The following SCML2 variants were observed in gnomAD, a reference collection of about 807,000 sequenced individuals.
SCML2 encodes Scm polycomb group protein like 2, also known as sex comb on midleg-like protein 2.
Under a neutral mutation model 48.4 loss-of-function variants are expected in SCML2, and 6 were observed. The ratio of observed to expected loss-of-function variants is 0.12; its 90% CI spans 0.07 to 0.24. The LOEUF (loss-of-function observed/expected upper bound fraction) is 0.24, where lower values mean the gene tolerates loss of function less well. SCML2 is among the 10% of genes least tolerant of loss of function. SCML2 has a pLI of 1.00. For missense variants in SCML2, 377 were observed against 528.2 expected (o/e 0.71, Z 2.81); for synonymous variants, 181 against 189.5 (o/e 0.95, Z 0.37).
At chrX:18,255,132 C>T (rs918065670) in intron 11 of SCML2, among the ~76,000 whole-genome samples, 2 of 111,650 alleles carry the variant, frequency 1.8e-5, no homozygotes, top group Non-Finnish European at 3.8e-5. Context: ...AGGATAATAT[C>T]ACATGAAAAC....
intron 7 of SCML2, among the ~76,000 whole-genome samples, chrX:18,271,704 A>T (rs747723768): frequency 2.5e-3 from 274 of 107,792 alleles, no homozygotes; most frequent in South Asian, 4.2e-3. Flanking sequence ...ATAGTATCAG[A>T]CTCCATATAT....
chrX:18,346,571 A>G (rs1483608493), intron 1 of SCML2, among the ~76,000 whole-genome samples: 3 of 112,346 alleles, frequency 2.7e-5, no homozygotes, highest in African/African-American at 6.5e-5. Context: ...GTTATTATAC[A>G]TACACAATTT....
intron 3 of SCML2, among the ~76,000 whole-genome samples, chrX:18,327,087 C>T (rs1415293290): frequency 9.0e-6 from 1 of 110,654 alleles, no homozygotes; most frequent in African/African-American, 3.3e-5. Flanking sequence ...AAGAACAAAA[C>T]GGGCGAGGCG....
At chrX:18,333,906 G>A in intron 2 of SCML2, 144 bp downstream of exon 2, 1 of 444,701 alleles carries the variant, frequency 2.2e-6, no homozygotes. Context: ...TAGCTATTCA[G>A]TTCTAAAATT....
intron 5 of SCML2, among the ~76,000 whole-genome samples, chrX:18,323,640 G>A (rs1929389583): frequency 9.0e-6 from 1 of 111,225 alleles, no homozygotes; most frequent in Admixed American, 9.6e-5. Flanking sequence ...GCCCTGGAGT[G>A]GAGAAAACTT....
intron 7 of SCML2, among the ~76,000 whole-genome samples, chrX:18,290,672 A>T (rs1012681806): frequency 8.9e-6 from 1 of 111,806 alleles, no homozygotes; most frequent in East Asian, 2.8e-4. Flanking sequence ...TCAAAAGACT[A>T]ATTTCTCCAA....
At chrX:18,309,953 C>G (rs189573368) in intron 6 of SCML2, among the ~76,000 whole-genome samples, 11 of 111,544 alleles carry the variant, frequency 9.9e-5, no homozygotes, top group African/African-American at 3.6e-4. Context: ...CAAAAAAAAT[C>G]AAGTGTCCAT....
chrX:18,309,303 GA>G (rs780355720), intron 6 of SCML2, among the ~76,000 whole-genome samples: 1 of 110,723 alleles, frequency 9.0e-6, no homozygotes, highest in African/African-American at 3.3e-5. Flanking sequence ...AGGTTGCAGA[GA>G]AAAGAAAATA....
chrX:18,342,381 T>C (rs1930043597), intron 1 of SCML2, among the ~76,000 whole-genome samples: 1 of 110,766 alleles, frequency 9.0e-6, no homozygotes, highest in African/African-American at 3.3e-5. Flanking sequence ...GTTAATAGTA[T>C]TTCATAGCGC....
At chrX:18,301,235 T>C (rs933628905) in intron 7 of SCML2, among the ~76,000 whole-genome samples, 3 of 110,504 alleles carry the variant, frequency 2.7e-5, no homozygotes, top group Non-Finnish European at 5.7e-5. Context: ...CCGTCTTTAC[T>C]AAAATTACAA....
intron 6 of SCML2, among the ~76,000 whole-genome samples, chrX:18,312,987 G>A (rs1325250924): frequency 1.1e-5 from 1 of 94,847 alleles, no homozygotes; most frequent in Non-Finnish European, 2.1e-5. Context: ...GCGTGTGTGT[G>A]TGTGTGTGTG....
At chrX:18,303,254 G>A (rs1319643789) in intron 7 of SCML2, among the ~76,000 whole-genome samples, 1 of 111,553 alleles carries the variant, frequency 9.0e-6, no homozygotes, top group Non-Finnish European at 1.9e-5. Context: ...ATACTGCTAG[G>A]AGTCTGTATG....
rs371831367 is a variant in SCML2, at chrX:18,246,812, A to G, written c.1587T>C (p.Ala529=). The part of the protein sequence containing the change: ...EYASEGEPLF[A]GGSAIPKEEN... ...CCTCTTTGGGAATGGCACTTCCCCC[A>G]GCAAACAATGGTTCTCCTACAGGGA... is the stretch of plus-strand genomic sequence containing the variant. Residue 529 remains alanine, a synonymous_variant, in exon 13 of 15, where the codon GCT becomes GCC. Transcript: ENST00000251900. The G allele has an allele frequency of 1.7e-5, 21 of 1,201,323 alleles. No homozygotes were observed. In the African/African-American group the frequency reaches 3.2e-4, roughly 18 times the overall value.
At chrX:18,244,350 T>G (rs1486610876) in intron 13 of SCML2, among the ~76,000 whole-genome samples, 2 of 111,848 alleles carry the variant, frequency 1.8e-5, no homozygotes, top group Admixed American at 1.9e-4. Context: ...TTAATGTACA[T>G]TTTTGTGGAA....
At chrX:18,321,763 T>G (rs1205903204) in intron 5 of SCML2, among the ~76,000 whole-genome samples, 1 of 111,304 alleles carries the variant, frequency 9.0e-6, no homozygotes, top group Non-Finnish European at 1.9e-5. Context: ...TTCCATCATG[T>G]GCCCAGATTT....
rs2147461423 is a variant in SCML2 at position 18,246,677 on chromosome X, A to G, written c.1722T>C (p.Ser574=). 8.3e-7 allele frequency: 1 copy of G among 1,210,921 alleles called. No homozygotes were observed. The highest frequency in any genetic ancestry group is 3.0e-5 in the East Asian group (1 of 33,843). Residue 574 remains serine, a synonymous_variant, in exon 13 of 15, where the codon TCT becomes TCC. Transcript: ENST00000251900. The part of the protein sequence containing the change: ...YIHTSVSQDF[S]RSVPGTTSSP... ...AACTTGTGGTGCCTGGCACACTTCG[A>G]GAAAAATCCTGGGAGACTGAAGTAT...
intron 7 of SCML2, among the ~76,000 whole-genome samples, chrX:18,276,247 T>C (rs1243948570): frequency 3.7e-5 from 4 of 108,708 alleles, no homozygotes; most frequent in Non-Finnish European, 5.7e-5. Flanking sequence ...TGAGCCAAGA[T>C]TGCACGACTG....
intron 1 of SCML2, among the ~76,000 whole-genome samples, chrX:18,339,829 C>T (rs759870988): frequency 5.4e-5 from 6 of 111,745 alleles, no homozygotes; most frequent in African/African-American, 2.0e-4. Flanking sequence ...TTTACACATT[C>T]ATCATCATTG....
At chrX:18,304,486 A>G (rs746641467) in intron 7 of SCML2, among the ~76,000 whole-genome samples, 3 of 112,089 alleles carry the variant, frequency 2.7e-5, no homozygotes, top group South Asian at 7.4e-4. Flanking sequence ...AGAGTCAAAA[A>G]TTTTCACTGT....
Sources: allele counts gnomAD v4.1 joint callset (sites outside exome capture counted in the v4.1 genomes callset), GRCh38; gene constraint gnomAD v4.1.1; transcripts MANE v1.5; gene names NCBI Gene and HGNC (gene_info 2026-07-23, HGNC 2026-07-21).